Variants in SPATA32 observed in about 807,000 individuals in gnomAD.
SPATA32 encodes the protein spermatogenesis-associated protein 32.
Under a neutral mutation model 35.4 loss-of-function variants are expected in SPATA32, and 28 were observed. That is an observed-to-expected ratio of 0.79 (90% CI 0.59 to 1.09). SPATA32 has a LOEUF of 1.09. Among genes scored for constraint, SPATA32 ranks in the 50% least tolerant of loss-of-function variants. The probability of loss-of-function intolerance (pLI) is 0.00; values close to 1 mark genes in which losing one functional copy is unlikely to be tolerated. For synonymous variants in SPATA32, 168 were observed against 196.3 expected (o/e 0.86, Z 1.20); for missense variants, 409 against 475.9 (o/e 0.86, Z 1.31).
chr17:45,257,363 G>A (rs1012940249), intron 1 of SPATA32, among the ~76,000 whole-genome samples, 156 bp from the exon 2 acceptor site: 2 of 151,934 alleles, frequency 1.3e-5, no homozygotes, highest in Admixed American at 6.6e-5. Flanking sequence ...TTCCCGAGCC[G>A]GTCGCCATTC....
intron 1 of SPATA32, chr17:45,261,657 A>C (rs2044010006): frequency 3.1e-6 from 1 of 323,322 alleles, no homozygotes; most frequent in African/African-American, 2.1e-5. Context: ...TCTGCAGTTC[A>C]GGATAATTCA....
In SPATA32 at chr17:45,255,942, G is replaced by T. The variant is rs369284695; in HGVS notation, c.240C>A (p.Ala80=). ...TGTCCAGCTCAGCTTCAAGCTTGAGGGCTGGGTATAGCTCTGACTCCAGTA... is the reference window on the plus strand; with the variant it reads ...TGTCCAGCTCAGCTTCAAGCTTGAGTGCTGGGTATAGCTCTGACTCCAGTA... ...PALLESELYP[A]LKLEAELDTE... is the part of the protein sequence containing the mutation. Residue 80 remains alanine (A), a synonymous_variant, in exon 4 of 5, where the codon GCC becomes GCA. Transcript: ENST00000331780. The surrounding 1 kb of genome is among the most constrained non-coding windows in gnomAD (Gnocchi z 5.4). 4.2e-5 allele frequency: 67 copies of T among 1,613,986 alleles called. No homozygotes were observed. The highest frequency in any genetic ancestry group is 4.8e-5 in the Non-Finnish European group (57 of 1,180,022).
intron 1 of SPATA32, among the ~76,000 whole-genome samples, chr17:45,258,850 G>T (rs527471875): frequency 6.6e-6 from 1 of 152,250 alleles, no homozygotes; most frequent in East Asian, 1.9e-4. Flanking sequence ...TGGCCAGGCT[G>T]ATCTCAAACT....
rs1451758538 is a variant in SPATA32 at position 45,255,936 on chromosome 17, C to G, written c.246G>C (p.Lys82Asn). 6.2e-7 allele frequency: 1 copy of G among 1,614,032 alleles called. No individual in the cohort carries two copies. Among genetic ancestry groups the G allele is most frequent in the East Asian group, 2.2e-5 (1 of 44,898 alleles). Residue 82 changes from lysine (K) to asparagine (N), a missense_variant, in exon 4 of 5, where the codon AAG becomes AAC. Physicochemically the swap from Lys to Asn is moderately conservative, Grantham distance 94. Transcript: ENST00000331780. The surrounding 1 kb of genome is among the most constrained non-coding windows in gnomAD (Gnocchi z 5.4). ...CTTCCGTGTCCAGCTCAGCTTCAAG[C>G]TTGAGGGCTGGGTATAGCTCTGACT... is the stretch of plus-strand genomic sequence containing the variant. ...LLESELYPAL[K>N]LEAELDTEAN... is the part of the protein sequence containing the mutation.
At position 45,255,391 on chromosome 17, in the gene SPATA32, A is replaced by G. The variant is rs1372113411; in HGVS notation, c.791T>C (p.Met264Thr). 1.9e-6 allele frequency: 3 copies of G among 1,613,978 alleles called. No individual in the cohort carries two copies. The African/African-American group carries it at 4.0e-5, about 22-fold the overall frequency. The change falls in exon 4 of 5, where the codon ATG becomes ACG. Residue 264 changes from methionine to threonine, a missense_variant. Met to Thr is a moderately conservative substitution (Grantham distance 81, BLOSUM62 -1). Transcript: ENST00000331780. This position sits in a 1 kb window ranked among gnomAD's most constrained non-coding sequence, Gnocchi z 5.4. ...AGCCTCCTGGGGTGGAGCTTTCATC[A>G]TGTGTTCCAAACTGGGCAGGTCCAT... Reference protein sequence around the residue: ...SRMDLPSLEHMMKAPPQEALE... With the variant: ...SRMDLPSLEHTMKAPPQEALE...
chr17:45,260,283 G>T (rs987714926), intron 1 of SPATA32, among the ~76,000 whole-genome samples: 1 of 152,024 alleles, frequency 6.6e-6, no homozygotes, highest in Non-Finnish European at 1.5e-5. Context: ...ACTCTTAAGT[G>T]TGGCTGCCAC....
In SPATA32 at chr17:45,257,137, T is replaced by G. The variant is rs781259394; in HGVS notation, c.68+16A>C. ...GGCTCGGGGGAGGCCCTACGTTGAT[T>G]GAGGATGGTTCTCACCGCATCTCTG... On this transcript the variant is annotated intron_variant, in intron 2 of 4. Transcript: ENST00000331780. 1 of 1,611,706 alleles carries G rather than the reference T, an allele frequency of 6.2e-7. No homozygotes were observed. Among genetic ancestry groups the G allele is most frequent in the Non-Finnish European group, 8.5e-7 (1 of 1,179,578 alleles).
chr17:45,260,548 A>G (rs2043996434), intron 1 of SPATA32: 1 of 152,350 alleles, frequency 6.6e-6, no homozygotes, highest in Admixed American at 6.5e-5. Flanking sequence ...CAGTCTTCAT[A>G]CCTACCCTAT....
At chr17:45,257,738 G>A (rs1359355322) in intron 1 of SPATA32, among the ~76,000 whole-genome samples, 1 of 152,040 alleles carries the variant, frequency 6.6e-6, no homozygotes, top group Non-Finnish European at 1.5e-5. Context: ...CTCCTCTGCC[G>A]GCTTCCTCTC....
In SPATA32 at chr17:45,261,984, G is replaced by T. The variant is rs2044014911; in HGVS notation, c.13+20C>A. The T allele has an allele frequency of 7.6e-7, 1 of 1,311,056 alleles. No individual in the cohort carries two copies. 81.2% of individuals were successfully genotyped at this position (1,311,056 alleles called of 1,614,324 possible). A position where few individuals can be genotyped will look rare whatever the true frequency, so the allele number is the denominator to read the frequency against. Reference sequence around the variant, plus strand: ...CCCGCCTGCCCCAACCCTCGCCCCCGGGCGCTCGGCCGCTCCCACCTGTCA... The same window carrying T: ...CCCGCCTGCCCCAACCCTCGCCCCCTGGCGCTCGGCCGCTCCCACCTGTCA... On this transcript the variant is annotated intron_variant, in intron 1 of 4. Coordinates refer to ENST00000331780, the MANE Select transcript of SPATA32 (RefSeq NM_152343.3).
At chr17:45,258,675 C>G (rs1187923864) in intron 1 of SPATA32, among the ~76,000 whole-genome samples, 1 of 152,144 alleles carries the variant, frequency 6.6e-6, no homozygotes, top group East Asian at 1.9e-4. Flanking sequence ...CACTCTGTCA[C>G]CCACGCTGGA....
At chr17:45,261,691 C>T (rs2044010408) in intron 1 of SPATA32, 3 of 372,738 alleles carry the variant, frequency 8.0e-6, no homozygotes, top group African/African-American at 2.1e-5. Context: ...GTGCACAAGG[C>T]CATTGCTCCT....
chr17:45,257,151 A>T lies in SPATA32; in HGVS notation c.68+2T>A, dbSNP rs1395255680. 6.2e-7 allele frequency: 1 copy of T among 1,612,166 alleles called. No homozygotes were observed. The highest frequency in any genetic ancestry group is 1.7e-5 in the Admixed American group (1 of 59,962). ...CCTACGTTGATTGAGGATGGTTCTC[A>T]CCGCATCTCTGCAACCTCCACTGAC... On this transcript the variant is annotated splice_donor_variant, in intron 2 of 4. Coordinates refer to ENST00000331780, the MANE Select transcript of SPATA32 (RefSeq NM_152343.3). LOFTEE classifies it high-confidence loss of function.
Position 45,254,466 on chromosome 17 carries a change from A to G in SPATA32, c.1115T>C (p.Ile372Thr). The change falls in exon 5 of 5, where the codon ATC becomes ACC. Residue 372 changes from isoleucine to threonine, a missense_variant. Coordinates refer to ENST00000331780, the MANE Select transcript of SPATA32 (RefSeq NM_152343.3). ...TGTGGGGGCTGACAGCTTAAAATGG[A>G]TTTTCACCAATAATGGATTCTCTTT... Reference protein sequence around the residue: ...KEKENPLLVKIHFKLSAPTIP... With the variant: ...KEKENPLLVKTHFKLSAPTIP... 6.2e-7 allele frequency: 1 copy of G among 1,614,068 alleles called. No individual in the cohort carries two copies. Among genetic ancestry groups the G allele is most frequent in the Non-Finnish European group, 8.5e-7 (1 of 1,180,004 alleles).
chr17:45,261,839 G>A, intron 1 of SPATA32, 165 bp downstream of exon 1: 2 of 681,348 alleles, frequency 2.9e-6, no homozygotes, highest in Non-Finnish European at 4.1e-6. Flanking sequence ...GGCACCGGGT[G>A]GGCTTTGGCG....
At position 45,255,894 on chromosome 17, in the gene SPATA32, C is replaced by T. The variant is rs923736821; in HGVS notation, c.288G>A (p.Glu96=). ...ELDTEANSNE[E]SDFEEPMQLV... ...GCTGCATGGGTTCTTCAAAGTCAGA[C>T]TCCTCGTTCGAGTTGGCTTCCGTGT... The change falls in exon 4 of 5, where the codon GAG becomes GAA. Residue 96 remains glutamate, a synonymous_variant. Coordinates refer to ENST00000331780, the MANE Select transcript of SPATA32 (RefSeq NM_152343.3). This position sits in a 1 kb window ranked among gnomAD's most constrained non-coding sequence, Gnocchi z 5.4. 6.2e-7 allele frequency: 1 copy of T among 1,614,048 alleles called. No individual in the cohort carries two copies. The highest frequency in any genetic ancestry group is 2.2e-5 in the East Asian group (1 of 44,892).
At position 45,255,932 on chromosome 17, in the gene SPATA32, C is replaced by T; in HGVS notation, c.250G>A (p.Glu84Lys). 1 of 1,614,170 alleles carries T rather than the reference C, an allele frequency of 6.2e-7. No homozygotes were observed. The highest frequency in any genetic ancestry group is 8.5e-7 in the Non-Finnish European group (1 of 1,180,038). ...ESELYPALKL[E>K]AELDTEANSN... Reference sequence around the variant, plus strand: ...TTGGCTTCCGTGTCCAGCTCAGCTTCAAGCTTGAGGGCTGGGTATAGCTCT... The same window carrying T: ...TTGGCTTCCGTGTCCAGCTCAGCTTTAAGCTTGAGGGCTGGGTATAGCTCT... Residue 84 changes from glutamate to lysine, a missense_variant, in exon 4 of 5, where the codon GAA becomes AAA. Glu to Lys is a moderately conservative substitution (Grantham distance 56). Coordinates refer to ENST00000331780, the MANE Select transcript of SPATA32 (RefSeq NM_152343.3). The surrounding 1 kb of genome is among the most constrained non-coding windows in gnomAD (Gnocchi z 5.4).
At position 45,255,758 on chromosome 17, in the gene SPATA32, C is replaced by A. The variant is rs11651968; in HGVS notation, c.424G>T (p.Val142Leu). The change falls in exon 4 of 5, where the codon GTG becomes TTG. Residue 142 changes from valine (V) to leucine (L), a missense_variant. Val to Leu is a conservative substitution (Grantham distance 32, BLOSUM62 1). Coordinates refer to ENST00000331780, the MANE Select transcript of SPATA32 (RefSeq NM_152343.3). The surrounding 1 kb of genome is among the most constrained non-coding windows in gnomAD (Gnocchi z 5.4). ...CTGATGGAGTGATGGCAGGCAGACACGTGGTTCTCCTCCGTGAAACTCCGG... is the reference window on the plus strand; with the variant it reads ...CTGATGGAGTGATGGCAGGCAGACAAGTGGTTCTCCTCCGTGAAACTCCGG... The part of the protein sequence containing the change: ...NCRSFTEENH[V>L]SACHHSISAQ... 2.5e-6 allele frequency: 4 copies of A among 1,613,760 alleles called. No individual in the cohort carries two copies. The highest frequency in any genetic ancestry group is 2.7e-5 in the African/African-American group (2 of 74,838).
intron 1 of SPATA32, chr17:45,261,656 C>G (rs1312779882): frequency 9.3e-6 from 3 of 322,770 alleles, no homozygotes; most frequent in Non-Finnish European, 1.7e-5. Context: ...ATCTGCAGTT[C>G]AGGATAATTC....
Sources: allele counts gnomAD v4.1 joint callset (sites outside exome capture counted in the v4.1 genomes callset), GRCh38; gene constraint gnomAD v4.1.1; non-coding constraint Gnocchi (gnomAD v3.1); transcripts MANE v1.5; gene names NCBI Gene and HGNC (gene_info 2026-07-23, HGNC 2026-07-21).